MYO5B: variants seen among roughly 807,000 people sequenced by gnomAD.
MYO5B encodes the protein unconventional myosin-Vb.
A neutral mutation model predicts 229.3 loss-of-function variants in MYO5B; 143 were observed. That is an observed-to-expected ratio of 0.62 (90% CI 0.54 to 0.72). MYO5B has a LOEUF of 0.72. Ranked by LOEUF, MYO5B falls within the 30% of genes least tolerant of loss-of-function variation. MYO5B has a pLI of 0.00. For synonymous variants in MYO5B, 918 were observed against 885.2 expected, an observed-to-expected ratio of 1.04 and a Z score of -0.66; for missense variants, 2,321 against 2,331.0, an observed-to-expected ratio of 1.00 and a Z score of 0.09.
intron 17 of MYO5B, among the ~76,000 whole-genome samples, chr18:49,928,317 CA>C (rs2025152240): frequency 6.6e-6 from 1 of 152,178 alleles, no homozygotes; most frequent in African/African-American, 2.4e-5. Flanking sequence ...CTATGGAAAA[CA>C]GTGTGGATAT....
At chr18:50,017,633 T>C (rs1174210386) in intron 4 of MYO5B, among the ~76,000 whole-genome samples, 1 of 152,236 alleles carries the variant, frequency 6.6e-6, no homozygotes, top group Non-Finnish European at 1.5e-5. Flanking sequence ...TGTGAGCATG[T>C]GTTTTCCTTT....
At chr18:50,122,439 T>TA (rs71169481) in intron 1 of MYO5B, among the ~76,000 whole-genome samples, 1,395 of 41,882 alleles carry the variant, frequency 0.033, 180 homozygotes, top group African/African-American at 0.13. Context: ...CTGTCTCAAC[T>TA]AAAAAAAAAA....
chr18:49,975,333 G>C (rs527317104), intron 9 of MYO5B, among the ~76,000 whole-genome samples: 26 of 152,228 alleles, frequency 1.7e-4, no homozygotes, highest in African/African-American at 6.3e-4. Flanking sequence ...TTCTCTTCTG[G>C]GTGGGTAGCT....
intron 18 of MYO5B, among the ~76,000 whole-genome samples, chr18:49,907,885 C>T (rs1399477390): frequency 6.6e-6 from 1 of 152,232 alleles, no homozygotes; most frequent in East Asian, 1.9e-4. Context: ...GAGCCATGCA[C>T]CCACTGGGCC....
intron 29 of MYO5B, among the ~76,000 whole-genome samples, chr18:49,857,352 C>T (rs554853916): frequency 2.6e-5 from 4 of 152,234 alleles, no homozygotes; most frequent in South Asian, 2.1e-4. Flanking sequence ...ATGGAGGAAG[C>T]GGGAGGCAGT....
intron 1 of MYO5B, among the ~76,000 whole-genome samples, chr18:50,088,450 A>G (rs1048737436): frequency 3.9e-5 from 6 of 152,238 alleles, no homozygotes; most frequent in Admixed American, 3.9e-4. Flanking sequence ...AAAACCACCA[A>G]TGTGAAATAT....
Position 50,097,336 on chromosome 18 carries a change from C to T in MYO5B, c.28-41958G>A. 3 of 451,336 alleles carry T rather than the reference C, an allele frequency of 6.6e-6. 1 individual carries two copies. The highest frequency in any genetic ancestry group is 4.7e-5 in the South Asian group (3 of 63,980). 28.0% of individuals were successfully genotyped at this position (451,336 alleles called of 1,614,324 possible). On this transcript the variant is annotated intron_variant, in intron 1 of 39. Transcript: ENST00000285039. Reference sequence around the variant, plus strand: ...CTGCAGGCACAGTGAAGGCAGACACCCTGCCTTACCATTCTTTTGATTCCC... The same window carrying T: ...CTGCAGGCACAGTGAAGGCAGACACTCTGCCTTACCATTCTTTTGATTCCC...
intron 1 of MYO5B, among the ~76,000 whole-genome samples, chr18:50,070,783 C>T (rs2030938057): frequency 6.6e-6 from 1 of 151,968 alleles, no homozygotes. Context: ...TACCTGCACC[C>T]CCCGGCCCCT....
intron 14 of MYO5B, among the ~76,000 whole-genome samples, chr18:49,945,698 A>G (rs562013631): frequency 1.3e-5 from 2 of 151,796 alleles, no homozygotes; most frequent in South Asian, 4.2e-4. Context: ...AACAGTGTTC[A>G]GGTGAACTAA....
intron 4 of MYO5B, among the ~76,000 whole-genome samples, chr18:50,004,103 G>A (rs1027385312): frequency 6.6e-6 from 1 of 152,214 alleles, no homozygotes; most frequent in Admixed American, 6.5e-5. Flanking sequence ...GGAGTGACTG[G>A]AAAGTCATGC....
chr18:49,866,394 A>G (rs1225773601), intron 27 of MYO5B, among the ~76,000 whole-genome samples: 1 of 152,116 alleles, frequency 6.6e-6, no homozygotes, highest in Non-Finnish European at 1.5e-5. Context: ...TTACGTGCAC[A>G]GTTCAGTGAC....
At chr18:49,945,249 C>A (rs2025358673) in intron 14 of MYO5B, among the ~76,000 whole-genome samples, 1 of 152,174 alleles carries the variant, frequency 6.6e-6, no homozygotes, top group South Asian at 2.1e-4. Flanking sequence ...CCACTCCAGT[C>A]TGGATCTTTT....
intron 14 of MYO5B, among the ~76,000 whole-genome samples, chr18:49,942,398 A>C (rs865974986): frequency 7.8e-6 from 1 of 128,804 alleles, no homozygotes; most frequent in African/African-American, 3.1e-5. Flanking sequence ...AAAAAAAAAA[A>C]AAAAAAACTA....
chr18:49,861,175 T>C (rs2024324770), intron 29 of MYO5B, among the ~76,000 whole-genome samples: 1 of 152,248 alleles, frequency 6.6e-6, no homozygotes, highest in Non-Finnish European at 1.5e-5. Context: ...ATTAATTTCC[T>C]ATTGTACACC....
intron 1 of MYO5B, among the ~76,000 whole-genome samples, chr18:50,166,704 G>A (rs1012003116): frequency 6.6e-6 from 1 of 152,098 alleles, no homozygotes; most frequent in Non-Finnish European, 1.5e-5. Context: ...TCAGTTTGAA[G>A]TTTTGATTTC....
chr18:49,942,577 A>C (rs1221041584), intron 14 of MYO5B, among the ~76,000 whole-genome samples: 1 of 152,100 alleles, frequency 6.6e-6, no homozygotes, highest in Admixed American at 6.5e-5. Flanking sequence ...CACTTCTCAA[A>C]AGAAGACATT....
chr18:49,928,939 C>T lies in MYO5B; in HGVS notation c.2090+573G>A, dbSNP rs538572283. Among the ~76,000 whole-genome samples, 125 of 152,072 alleles carry T rather than the reference C, an allele frequency of 8.2e-4. 1 individual carries two copies. Among genetic ancestry groups the T allele is most frequent in the Admixed American group, 5.3e-3 (81 of 15,276 alleles). On this transcript the variant is annotated intron_variant, in intron 17 of 39. Transcript: ENST00000285039. ...CTATGAGGACGCAAAGGCATAAGAACGATACAATGAACTTTGAGGACTTGG... is the reference window on the plus strand; with the variant it reads ...CTATGAGGACGCAAAGGCATAAGAATGATACAATGAACTTTGAGGACTTGG...
chr18:49,958,525 C>A (rs1292221665), intron 12 of MYO5B, among the ~76,000 whole-genome samples: 1 of 152,178 alleles, frequency 6.6e-6, no homozygotes, highest in Non-Finnish European at 1.5e-5. Context: ...CACCCACAGC[C>A]ATCCCACCTT....
At chr18:50,179,503 T>C (rs901622125) in intron 1 of MYO5B, among the ~76,000 whole-genome samples, 5 of 152,150 alleles carry the variant, frequency 3.3e-5, no homozygotes, top group Admixed American at 6.6e-5. Flanking sequence ...CTTCAGAGCT[T>C]GGGTCATAAT....
Sources: allele counts gnomAD v4.1 joint callset (sites outside exome capture counted in the v4.1 genomes callset), GRCh38; gene constraint gnomAD v4.1.1; transcripts MANE v1.5; gene names NCBI Gene and HGNC (gene_info 2026-07-23, HGNC 2026-07-21).